The following ISM1 variants were observed in gnomAD, a reference collection of about 807,000 sequenced individuals.
ISM1 encodes the protein isthmin 1.
ISM1 carries 25 observed loss-of-function variants against 46.3 expected under a neutral mutation model. That is an observed-to-expected ratio of 0.54 (90% CI 0.39 to 0.75). The LOEUF is 0.75. Among genes scored for constraint, ISM1 ranks in the 30% least tolerant of loss-of-function variants. ISM1 has a pLI of 0.00. For synonymous variants in ISM1, 255 were observed against 256.7 expected (o/e 0.99, Z 0.06); for missense variants, 536 against 625.4 (o/e 0.86, Z 1.52).
chr20:13,276,081 GCAGTT>G (rs2040176174), intron 2 of ISM1, among the ~76,000 whole-genome samples: 1 of 152,198 alleles, frequency 6.6e-6, no homozygotes, highest in Non-Finnish European at 1.5e-5. Flanking sequence ...TCTTTCCATG[GCAGTT>G]ATCGAGGAAG....
the ISM1 span, among the ~76,000 whole-genome samples, chr20:13,307,623 T>C: frequency 1.3e-5 from 2 of 152,312 alleles, no homozygotes; most frequent in Middle Eastern, 3.4e-3. Context: ...GAATAATCAG[T>C]ATCATGAATT....
At chr20:13,261,646 C>T (rs905785935) in intron 1 of ISM1, among the ~76,000 whole-genome samples, 24 of 152,318 alleles carry the variant, frequency 1.6e-4, no homozygotes, top group African/African-American at 5.5e-4. Context: ...CCACAGTACC[C>T]TGAACCCTTT....
intron 2 of ISM1, among the ~76,000 whole-genome samples, chr20:13,272,103 T>A (rs1475892996): frequency 3.9e-5 from 6 of 152,090 alleles, no homozygotes; most frequent in Non-Finnish European, 7.4e-5. Flanking sequence ...TTGCTTCCAA[T>A]TCTTTCTATT....
chr20:13,298,831 A>C, intron 5 of ISM1, 111 bp from the exon 6 acceptor site: 1 of 1,022,992 alleles, frequency 9.8e-7, no homozygotes, highest in African/African-American at 1.6e-5. Context: ...TGTTGACTTT[A>C]GTGTCCTCCT....
In ISM1 at chr20:13,278,974, T is replaced by C. The variant is rs529720812; in HGVS notation, c.379-660T>C. Among the ~76,000 whole-genome samples, 5 of 152,282 alleles carry C rather than the reference T, an allele frequency of 3.3e-5. No individual in the cohort carries two copies. In the East Asian group the frequency reaches 9.7e-4, roughly 29 times the overall value. On this transcript the variant is annotated intron_variant, in intron 2 of 5. Transcript: ENST00000262487. ...TCCAAGAGAATGAAAATGAAAGCTG[T>C]AAGGCCTCTGTTAATACCTGTCACC...
the ISM1 span, among the ~76,000 whole-genome samples, chr20:13,321,672 C>G: frequency 6.6e-6 from 1 of 152,206 alleles, no homozygotes; most frequent in Non-Finnish European, 1.5e-5. Flanking sequence ...CAAAGACATG[C>G]TTGTGAAGCT....
At chr20:13,266,959 A>G (rs939772722) in intron 1 of ISM1, among the ~76,000 whole-genome samples, 7 of 152,166 alleles carry the variant, frequency 4.6e-5, no homozygotes, top group Admixed American at 2.6e-4. Flanking sequence ...CCCTTTGAGA[A>G]GAGATAAAGA....
At chr20:13,278,525 A>G (rs1355265412) in intron 2 of ISM1, among the ~76,000 whole-genome samples, 4 of 152,158 alleles carry the variant, frequency 2.6e-5, no homozygotes, top group Non-Finnish European at 5.9e-5. Flanking sequence ...TTTTTGAGAG[A>G]CAGTGTGGCA....
intron 1 of ISM1, among the ~76,000 whole-genome samples, chr20:13,238,546 C>T (rs977303322): frequency 6.6e-6 from 1 of 152,176 alleles, no homozygotes; most frequent in African/African-American, 2.4e-5. Context: ...GTGTGAAAAT[C>T]TCACAGACTT....
At chr20:13,298,542 T>C (rs893257024) in intron 5 of ISM1, among the ~76,000 whole-genome samples, 3 of 152,288 alleles carry the variant, frequency 2.0e-5, no homozygotes, top group Admixed American at 2.0e-4. Flanking sequence ...AATTTAGGGG[T>C]GACATTATAT....
At position 13,280,391 on chromosome 20, in the gene ISM1, A is replaced by ACC. The variant is rs33933983; in HGVS notation, c.643+504_643+505dup. On this transcript the variant is annotated intron_variant, in intron 3 of 5. Transcript: ENST00000262487. Reference sequence around the variant, plus strand: ...GTGTGTGTCTCAGGTCTTCAAAGTAACCCCCCCCCCCCAATACATTTCAAA... The same window carrying ACC: ...GTGTGTGTCTCAGGTCTTCAAAGTAACCCCCCCCCCCCCCAATACATTTCAAA... Among the ~76,000 whole-genome samples, 8 of 132,004 alleles carry ACC rather than the reference A, an allele frequency of 6.1e-5. No homozygotes were observed. In the South Asian group the frequency reaches 8.8e-4, roughly 14 times the overall value. 86.6% of individuals were successfully genotyped at this position (132,004 alleles called of 152,430 possible).
chr20:13,238,966 A>C (rs1471359261), intron 1 of ISM1: 1 of 152,268 alleles, frequency 6.6e-6, no homozygotes, highest in East Asian at 1.9e-4. Context: ...TCACTGGTAC[A>C]TTCAGGAAGA....
chr20:13,233,571 G>A (rs1280988643), intron 1 of ISM1, among the ~76,000 whole-genome samples: 1 of 149,546 alleles, frequency 6.7e-6, no homozygotes, highest in Non-Finnish European at 1.5e-5. Context: ...TTCCTGCCTG[G>A]GCAACAAGAG....
chr20:13,270,507 A>G lies in ISM1; in HGVS notation c.142A>G (p.Asn48Asp), dbSNP rs773078909. The G allele has an allele frequency of 2.5e-6, 4 of 1,612,022 alleles. No individual in the cohort carries two copies. In the South Asian group the frequency reaches 3.3e-5, roughly 13 times the overall value. The change falls in exon 2 of 6, where the codon AAC (asparagine) becomes GAC (aspartate). Residue 48 changes from asparagine to aspartate, a missense_variant. Physicochemically the swap from Asn to Asp is conservative, Grantham distance 23. Around this residue, in one of 2 missense-constraint regions of ISM1, gnomAD observed 367 missense variants for 376.1 expected, o/e 0.98. Coordinates refer to ENST00000262487, the MANE Select transcript of ISM1 (RefSeq NM_080826.2). ...TTTGCTTGTTTGTTTGTTTTAGAAT[A>G]ACCTCAACGTGGGAAGTGACACCAC... ...GNASQAQLQN[N>D]LNVGSDTTSE...
intron 1 of ISM1, among the ~76,000 whole-genome samples, chr20:13,248,457 A>G (rs1166823052): frequency 6.6e-6 from 1 of 152,226 alleles, no homozygotes; most frequent in Non-Finnish European, 1.5e-5. Context: ...CTTGCCTGAC[A>G]TACTGCTTCA....
At chr20:13,247,986 A>G (rs1417808115) in intron 1 of ISM1, among the ~76,000 whole-genome samples, 4 of 152,170 alleles carry the variant, frequency 2.6e-5, no homozygotes, top group African/African-American at 9.7e-5. Context: ...AATTTCCTCT[A>G]TGACTTGTTC....
At chr20:13,304,233 T>C (rs900780701), downstream of ISM1, among the ~76,000 whole-genome samples, 2 of 152,170 alleles carry the variant, frequency 1.3e-5, no homozygotes, top group South Asian at 4.1e-4. Flanking sequence ...GAAGTCCAGA[T>C]GAGGGGTCCA....
downstream of ISM1, among the ~76,000 whole-genome samples, chr20:13,302,144 CAAAG>C (rs2040463511): frequency 1.3e-5 from 2 of 152,120 alleles, no homozygotes. Context: ...AGTGAAATCT[CAAAG>C]AGAACAGAGA....
At chr20:13,304,936 G>T (rs73082237), downstream of ISM1, among the ~76,000 whole-genome samples, 4,015 of 152,132 alleles carry the variant, frequency 0.026, 52 homozygotes, top group Non-Finnish European at 0.031. Flanking sequence ...CTTGCTCAGC[G>T]CCATCTCTCA....
Sources: gnomAD v4.1 joint callset for allele counts (sites outside exome capture counted in the v4.1 genomes callset) on GRCh38, gnomAD v4.1.1 for gene constraint, gnomAD v4.1.1 regional missense constraint, MANE v1.5 for transcripts, NCBI Gene and HGNC (gene_info 2026-07-23, HGNC 2026-07-21) for gene names.